AUTS2: variants seen among roughly 807,000 people sequenced by gnomAD.
The protein encoded by AUTS2 is autism susceptibility gene 2 protein.
Under a neutral mutation model 112.4 loss-of-function variants are expected in AUTS2, and 17 were observed. The ratio of observed to expected loss-of-function variants is 0.15; its 90% CI spans 0.10 to 0.23. The LOEUF is 0.23. AUTS2 is among the 10% of genes least tolerant of loss of function. AUTS2 has a pLI of 1.00. For synonymous variants in AUTS2, 751 were observed against 702.7 expected, an observed-to-expected ratio of 1.07 and a Z score of -1.09; for missense variants, 1,510 against 1,701.6, an observed-to-expected ratio of 0.89 and a Z score of 1.98.
At chr7:70,249,313 C>A (rs1416817834) in intron 4 of AUTS2, among the ~76,000 whole-genome samples, 4 of 151,924 alleles carry the variant, frequency 2.6e-5, no homozygotes, top group Non-Finnish European at 5.9e-5. Context: ...CCCGGTAGGT[C>A]CAAAATATCA....
intron 5 of AUTS2, among the ~76,000 whole-genome samples, chr7:70,676,739 T>C (rs1042470820): frequency 2.0e-5 from 3 of 152,082 alleles, no homozygotes; most frequent in African/African-American, 7.2e-5. Context: ...TAGCCAGGCG[T>C]GGTGGCATGC....
chr7:70,239,433 AT>A (rs201176915), intron 4 of AUTS2, among the ~76,000 whole-genome samples: 1 of 151,578 alleles, frequency 6.6e-6, no homozygotes, highest in African/African-American at 2.4e-5. Flanking sequence ...CTGCAACCTA[AT>A]TTTTTTTGTT....
At chr7:70,400,595 C>T (rs1052015959) in intron 4 of AUTS2, among the ~76,000 whole-genome samples, 5 of 152,246 alleles carry the variant, frequency 3.3e-5, no homozygotes, top group South Asian at 4.1e-4. Context: ...GCTGAAAAGT[C>T]GCCTGATGTG....
At chr7:69,761,833 C>T (rs1788197692) in intron 1 of AUTS2, among the ~76,000 whole-genome samples, 1 of 152,172 alleles carries the variant, frequency 6.6e-6, no homozygotes, top group South Asian at 2.1e-4. Context: ...TGTCCTGCTG[C>T]CTCCCACTGG....
At chr7:70,418,940 A>G (rs1188145732) in intron 4 of AUTS2, among the ~76,000 whole-genome samples, 7 of 151,642 alleles carry the variant, frequency 4.6e-5, no homozygotes, top group East Asian at 1.9e-4. Flanking sequence ...CCTTCATTGT[A>G]GTAGTAATAA....
intron 2 of AUTS2, among the ~76,000 whole-genome samples, chr7:70,052,521 T>G (rs1385728710): frequency 1.3e-5 from 2 of 152,202 alleles, no homozygotes; most frequent in African/African-American, 4.8e-5. Context: ...GTTCACTGCA[T>G]GAAGGTGGCT....
intron 6 of AUTS2, among the ~76,000 whole-genome samples, chr7:70,734,122 C>T (rs73181088): frequency 0.067 from 10,188 of 151,966 alleles, 492 homozygotes; most frequent in East Asian, 0.18. Context: ...CCAGGCTTCA[C>T]GTTGTACTCG....
At chr7:70,595,200 T>G (rs540603205) in intron 5 of AUTS2, among the ~76,000 whole-genome samples, 37 of 152,180 alleles carry the variant, frequency 2.4e-4, no homozygotes, top group South Asian at 1.5e-3. Context: ...TTTGCAAGGA[T>G]GTCATCCTCA....
rs893828639 is a variant in AUTS2, at chr7:70,650,444, A to G, written c.691-48125A>G. On this transcript the variant is annotated intron_variant, in intron 5 of 18. Transcript: ENST00000342771. ...AGGGTCTGTCTGGGACCTTAAAGTC[A>G]CTGATTCTGACTTAGCACTTAGGAA... 5.3e-5 allele frequency among the ~76,000 whole-genome samples: 8 copies of G among 152,208 alleles called. No individual in the cohort carries two copies. The East Asian group carries it at 1.3e-3, about 26-fold the overall frequency.
intron 6 of AUTS2, among the ~76,000 whole-genome samples, chr7:70,720,982 C>A (rs1363586897): frequency 6.6e-6 from 1 of 152,118 alleles, no homozygotes; most frequent in East Asian, 1.9e-4. Flanking sequence ...GGGAAACAGA[C>A]CTCTGGCATC....
intron 5 of AUTS2, among the ~76,000 whole-genome samples, chr7:70,610,627 C>T (rs1264355326): frequency 6.6e-6 from 1 of 151,682 alleles, no homozygotes; most frequent in Non-Finnish European, 1.5e-5. Flanking sequence ...TATATAGAGA[C>T]CAGGTCTCAC....
At chr7:70,612,516 T>C (rs150355699) in intron 5 of AUTS2, among the ~76,000 whole-genome samples, 39 of 151,960 alleles carry the variant, frequency 2.6e-4, no homozygotes, top group Non-Finnish European at 4.7e-4. Context: ...CTGGAGATGA[T>C]CTAGTATTGT....
chr7:69,762,708 A>G (rs1427985575), intron 1 of AUTS2, among the ~76,000 whole-genome samples: 2 of 152,144 alleles, frequency 1.3e-5, no homozygotes, highest in Admixed American at 6.5e-5. Flanking sequence ...ACTGGAGAAG[A>G]AAATAATTGT....
At chr7:70,707,722 A>G (rs118014833) in intron 6 of AUTS2, among the ~76,000 whole-genome samples, 2,418 of 152,278 alleles carry the variant, frequency 0.016, 26 homozygotes, top group Non-Finnish European at 0.024. Context: ...GAGTCGCCAT[A>G]GTTACTGCAG....
At chr7:70,469,344 G>A (rs1797288898) in intron 5 of AUTS2, among the ~76,000 whole-genome samples, 2 of 152,164 alleles carry the variant, frequency 1.3e-5, no homozygotes, top group African/African-American at 4.8e-5. Flanking sequence ...ATCAGGGGCA[G>A]CTTCTCTAAG....
intron 1 of AUTS2, among the ~76,000 whole-genome samples, chr7:69,792,778 A>G (rs907518171): frequency 6.6e-6 from 1 of 152,098 alleles, no homozygotes; most frequent in African/African-American, 2.4e-5. Flanking sequence ...GCAAGTGTAC[A>G]TACATTACCA....
chr7:70,784,839 C>T (rs1038811395), intron 15 of AUTS2, 103 bp from the exon 16 acceptor site: 3 of 995,732 alleles, frequency 3.0e-6, no homozygotes, highest in Admixed American at 2.0e-5. Flanking sequence ...CATGACCTCC[C>T]TTGAACATAT....
intron 4 of AUTS2, among the ~76,000 whole-genome samples, chr7:70,219,790 T>G (rs1811379787): frequency 6.6e-6 from 1 of 152,118 alleles, no homozygotes; most frequent in Non-Finnish European, 1.5e-5. Flanking sequence ...CAGGCTGATC[T>G]CGAACTCCTG....
rs1554395050 is a variant in AUTS2, at chr7:69,870,448, A to ATATAT, written c.310-28838_310-28837insTATAT. On this transcript the variant is annotated intron_variant, in intron 1 of 18. Transcript: ENST00000342771. The stretch of plus-strand genomic sequence containing the variant: ...TACATATCTGTGCGTATGTGTGTGT[A>ATATAT]ATATATATATATATATATGTATTCA... 3.1e-3 allele frequency among the ~76,000 whole-genome samples: 246 copies of ATATAT among 78,972 alleles called. 6 individuals carry two copies. The highest frequency in any genetic ancestry group is 0.01 in the African/African-American group (231 of 22,650). 51.8% of individuals were successfully genotyped at this position (78,972 alleles called of 152,430 possible). A position where few individuals can be genotyped will look rare whatever the true frequency, so the allele number is the denominator to read the frequency against.
Sources: allele counts gnomAD v4.1 joint callset (sites outside exome capture counted in the v4.1 genomes callset), GRCh38; gene constraint gnomAD v4.1.1; transcripts MANE v1.5; gene names NCBI Gene and HGNC (gene_info 2026-07-23, HGNC 2026-07-21).